The following ZNF280B variants were observed in gnomAD, a reference collection of about 807,000 sequenced individuals.
The protein encoded by ZNF280B is zinc finger protein 280B.
Under a neutral mutation model 38.0 loss-of-function variants are expected in ZNF280B, and 16 were observed. The ratio of observed to expected loss-of-function variants is 0.42; its 90% CI spans 0.28 to 0.64. The LOEUF is 0.64. Among genes scored for constraint, ZNF280B ranks in the 30% least tolerant of loss-of-function variants. ZNF280B has a pLI of 0.21. For synonymous variants in ZNF280B, 253 were observed against 230.6 expected (o/e 1.10, Z -0.88); for missense variants, 581 against 639.6 (o/e 0.91, Z 0.99).
In ZNF280B at chr22:22,486,574, T is replaced by A. The variant is rs563308328; in HGVS notation, c.*1193A>T. ...GGGAGAGGAGAGGGAATGAATCAAA[T>A]TCACCTTTAGATCACAGAACAGGAA... On this transcript the variant is annotated 3_prime_UTR_variant, in exon 4 of 4. Transcript: ENST00000626650. 1 of 152,300 alleles carries A rather than the reference T, an allele frequency of 6.6e-6. No homozygotes were observed. The highest frequency in any genetic ancestry group is 2.4e-5 in the African/African-American group (1 of 41,386). 9.4% of individuals were successfully genotyped at this position (152,300 alleles called of 1,614,324 possible).
At chr22:22,490,685 C>G (rs908545365) in intron 3 of ZNF280B, among the ~76,000 whole-genome samples, 1 of 151,814 alleles carries the variant, frequency 6.6e-6, no homozygotes, top group African/African-American at 2.4e-5. Context: ...CCAGGCTGGT[C>G]TTGAATTCCT....
chr22:22,493,164 AC>A (rs1423610760), intron 3 of ZNF280B, among the ~76,000 whole-genome samples: 15 of 151,580 alleles, frequency 9.9e-5, no homozygotes, highest in Non-Finnish European at 1.9e-4. Flanking sequence ...GTGCGCCACC[AC>A]GCCCAGCTAA....
At position 22,485,761 on chromosome 22, in the gene ZNF280B, G is replaced by A. The variant is rs569309657; in HGVS notation, c.*2006C>T. ...TAAAAAGAAATCAAGGAAAAAGGGA[G>A]AGATTTCTCCAGACCTATGTATGTC... On this transcript the variant is annotated 3_prime_UTR_variant, in exon 4 of 4. Transcript: ENST00000626650. 1.3e-5 allele frequency: 2 copies of A among 149,948 alleles called. No individual in the cohort carries two copies. Among genetic ancestry groups the A allele is most frequent in the Admixed American group, 1.3e-4 (2 of 15,068 alleles). 9.3% of individuals were successfully genotyped at this position (149,948 alleles called of 1,614,324 possible).
At position 22,488,914 on chromosome 22, in the gene ZNF280B, A is replaced by G. The variant is rs2061540619; in HGVS notation, c.485T>C (p.Val162Ala). 1 of 1,613,634 alleles carries G rather than the reference A, an allele frequency of 6.2e-7. No individual in the cohort carries two copies. The highest frequency in any genetic ancestry group is 8.5e-7 in the Non-Finnish European group (1 of 1,179,978). The part of the protein sequence containing the change: ...LHHPVSTALS[V>A]GGINESPRVS... ...ACGAGGACTTTCATTTATACCTCCT[A>G]CTGAAAGTGCTGTACTTACTGGATG... Residue 162 changes from valine to alanine, a missense_variant, in exon 4 of 4, where the codon GTA (valine) becomes GCA (alanine). Val to Ala is a moderately conservative substitution (Grantham distance 64, BLOSUM62 0). Transcript: ENST00000626650.
chr22:22,489,211 CTG>C lies in ZNF280B; in HGVS notation c.186_187del (p.Asn62LysfsTer14). On this transcript the variant is annotated frameshift_variant, in exon 4 of 4. Coordinates refer to ENST00000626650, the MANE Select transcript of ZNF280B (RefSeq NM_080764.4). LOFTEE classifies it high-confidence loss of function. ...CCTTGACCATGAACCCGGGGTGACT[CTG>C]TTCAAAATGTTTGAAACGACTGGTT... 2 of 1,613,838 alleles carry C rather than the reference CTG, an allele frequency of 1.2e-6. No homozygotes were observed. The highest frequency in any genetic ancestry group is 2.2e-5 in the South Asian group (2 of 91,058).
rs769213027 is a variant in ZNF280B, at chr22:22,489,374, T to C, written c.25A>G (p.Lys9Glu). 1 of 1,605,180 alleles carries C rather than the reference T, an allele frequency of 6.2e-7. No homozygotes were observed. The change falls in exon 4 of 4, where the codon AAA (lysine) becomes GAA (glutamate). Residue 9 changes from lysine (K) to glutamate (E), a missense_variant. Physicochemically the swap from Lys to Glu is moderately conservative, Grantham distance 56 (BLOSUM62 1). Coordinates refer to ENST00000626650, the MANE Select transcript of ZNF280B (RefSeq NM_080764.4). MEQSCEEE[K>E]EPEPQKNIQE... ...ATGTTCTTCTGTGGTTCAGGCTCTT[T>C]CTCTTCCTCACATGATTGTTCCATT...
rs748894024 is a variant in ZNF280B, at chr22:22,488,654, T to C, written c.745A>G (p.Ile249Val). The C allele has an allele frequency of 1.9e-6, 3 of 1,613,904 alleles. No homozygotes were observed. The highest frequency in any genetic ancestry group is 2.2e-5 in the East Asian group (1 of 44,792). ...FPKDNIHFKP[I>V]NTNLDRANEL... ...TTTGCCCTATCAAGATTTGTATTTA[T>C]AGGCTTGAAATGGATATTGTCCTTT... The change falls in exon 4 of 4, where the codon ATA (isoleucine) becomes GTA (valine). Residue 249 changes from isoleucine (I) to valine (V), a missense_variant. Physicochemically the swap from Ile to Val is conservative, Grantham distance 29. Coordinates refer to ENST00000626650, the MANE Select transcript of ZNF280B (RefSeq NM_080764.4).
Position 22,498,793 on chromosome 22 carries a change from C to CTTTTT in ZNF280B, c.-186-4618_-186-4614dup, listed in dbSNP as rs60940298. Among the ~76,000 whole-genome samples the CTTTTT allele has an allele frequency of 4.1e-3, 344 of 83,596 alleles. 10 individuals carry two copies. Among genetic ancestry groups the CTTTTT allele is most frequent in the African/African-American group, 0.015 (297 of 19,832 alleles). The allele number at this position is 83,596 out of a possible 152,430, so 54.8% of individuals were successfully genotyped here. On this transcript the variant is annotated intron_variant, in intron 2 of 3. Coordinates refer to ENST00000626650, the MANE Select transcript of ZNF280B (RefSeq NM_080764.4). ...AAAAAGAAAACTACAGGCCAATATCCTTTTTTTTTTTTTTTTTTTTTGGAG... is the reference window on the plus strand; with the variant it reads ...AAAAAGAAAACTACAGGCCAATATCCTTTTTTTTTTTTTTTTTTTTTTTTTTGGAG...
At chr22:22,497,674 A>G (rs2061728927) in intron 2 of ZNF280B, among the ~76,000 whole-genome samples, 1 of 151,982 alleles carries the variant, frequency 6.6e-6, no homozygotes, top group Non-Finnish European at 1.5e-5. Flanking sequence ...AGTTAAGGGG[A>G]ATGGTGGAAT....
intron 2 of ZNF280B, among the ~76,000 whole-genome samples, chr22:22,494,549 GGGA>G (rs1286527031): frequency 6.6e-6 from 1 of 151,874 alleles, no homozygotes; most frequent in African/African-American, 2.4e-5. Context: ...TACTGGGGTA[GGGA>G]GGTTAGACAT....
chr22:22,506,832 A>G (rs2061948806), intron 2 of ZNF280B, among the ~76,000 whole-genome samples: 1 of 151,890 alleles, frequency 6.6e-6, no homozygotes, highest in Non-Finnish European at 1.5e-5. Flanking sequence ...GATCCTATGG[A>G]AAAGGGTTAA....
rs1454300429 is a variant in ZNF280B, at chr22:22,486,499, C to A, written c.*1268G>T. The A allele has an allele frequency of 6.6e-6, 1 of 152,568 alleles. No individual in the cohort carries two copies. The highest frequency in any genetic ancestry group is 2.0e-4 in the East Asian group (1 of 5,092). 9.5% of individuals were successfully genotyped at this position (152,568 alleles called of 1,614,324 possible). On this transcript the variant is annotated 3_prime_UTR_variant, in exon 4 of 4. Transcript: ENST00000626650. ...TCCCCTTGGGAAACTTGCTTTACAG[C>A]TGTGGCTGAGAATATGGCCAGTTCA... is the stretch of plus-strand genomic sequence containing the variant.
At chr22:22,496,214 A>G (rs2061691428) in intron 2 of ZNF280B, among the ~76,000 whole-genome samples, 1 of 148,298 alleles carries the variant, frequency 6.7e-6, no homozygotes, top group Non-Finnish European at 1.5e-5. Flanking sequence ...CTTGTGCCTC[A>G]GCCTCCTGAG....
chr22:22,505,800 C>A (rs1214849828), intron 2 of ZNF280B, among the ~76,000 whole-genome samples: 1 of 151,694 alleles, frequency 6.6e-6, no homozygotes, highest in Non-Finnish European at 1.5e-5. Context: ...AAAACAAATT[C>A]TTCAGATTTT....
rs1469246294 is a variant in ZNF280B, at chr22:22,485,623, C to G, written c.*2144G>C. Reference sequence around the variant, plus strand: ...TCTTTGTTATCTGTACTGCCTTCTACTCTAAGAGGGATGCTAAGCTCTTAA... The same window carrying G: ...TCTTTGTTATCTGTACTGCCTTCTAGTCTAAGAGGGATGCTAAGCTCTTAA... On this transcript the variant is annotated 3_prime_UTR_variant, in exon 4 of 4. Coordinates refer to ENST00000626650, the MANE Select transcript of ZNF280B (RefSeq NM_080764.4). 6.6e-6 allele frequency: 1 copy of G among 151,904 alleles called. No homozygotes were observed. Among genetic ancestry groups the G allele is most frequent in the Non-Finnish European group, 1.5e-5 (1 of 68,010 alleles). 9.4% of individuals were successfully genotyped at this position (151,904 alleles called of 1,614,324 possible). A position where few individuals can be genotyped will look rare whatever the true frequency, so the allele number is the denominator to read the frequency against.
rs1165125709 is a variant in ZNF280B at position 22,484,806 on chromosome 22, GAAGAA to G, written c.*2956_*2960del. 1.3e-5 allele frequency: 2 copies of G among 151,336 alleles called. No homozygotes were observed. The highest frequency in any genetic ancestry group is 2.1e-4 in the South Asian group (1 of 4,792). The allele number at this position is 151,336 out of a possible 1,614,324, so 9.4% of individuals were successfully genotyped here. ...TAGGAAATTTAAATACTTTGAAGAG[GAAGAA>G]AAGAGTGGGGAGAGAGTAAAGTGCC... On this transcript the variant is annotated 3_prime_UTR_variant, in exon 4 of 4. Transcript: ENST00000626650.
chr22:22,498,009 G>A (rs1056582849), intron 2 of ZNF280B, among the ~76,000 whole-genome samples: 3 of 151,862 alleles, frequency 2.0e-5, no homozygotes, highest in Admixed American at 6.6e-5. Flanking sequence ...ACATACAACA[G>A]AATGTTTATT....
intron 3 of ZNF280B, among the ~76,000 whole-genome samples, chr22:22,491,457 C>CTTTTTTTTTT (rs55720546): frequency 8.8e-6 from 1 of 113,980 alleles, no homozygotes; most frequent in Non-Finnish European, 1.9e-5. Flanking sequence ...TGTCTTTTTT[C>CTTTTTTTTTT]TTTTTTTTTT....
At chr22:22,492,797 A>C (rs1165827591) in intron 3 of ZNF280B, among the ~76,000 whole-genome samples, 1 of 151,296 alleles carries the variant, frequency 6.6e-6, no homozygotes, top group Non-Finnish European at 1.5e-5. Context: ...GAGGCAGGAG[A>C]ATCGCTTGAA....
Sources: gnomAD v4.1 joint callset for allele counts (sites outside exome capture counted in the v4.1 genomes callset) on GRCh38, gnomAD v4.1.1 for gene constraint, MANE v1.5 for transcripts, NCBI Gene and HGNC (gene_info 2026-07-23, HGNC 2026-07-21) for gene names.